The following DPAGT1 variants were observed in gnomAD, a reference collection of about 807,000 sequenced individuals.
The protein encoded by DPAGT1 is UDP-N-acetylglucosamine--dolichyl-phosphate N-acetylglucosaminephosphotransferase.
DPAGT1 carries 25 observed loss-of-function variants against 39.3 expected under a neutral mutation model. That is an observed-to-expected ratio of 0.64 (90% CI 0.46 to 0.89). The LOEUF is 0.89. Ranked by LOEUF, DPAGT1 falls within the 40% of genes least tolerant of loss-of-function variation. The pLI, the probability that DPAGT1 is intolerant of heterozygous loss-of-function variation, is 0.00. For missense variants in DPAGT1, 381 were observed against 500.6 expected (o/e 0.76, Z 2.28); for synonymous variants, 193 against 201.4 (o/e 0.96, Z 0.36).
chr11:119,096,823 AGAAACGCCCAG>A lies in DPAGT1; in HGVS notation c.*164_*174del. 1 of 781,578 alleles carries A rather than the reference AGAAACGCCCAG, an allele frequency of 1.3e-6. No individual in the cohort carries two copies. Among genetic ancestry groups the A allele is most frequent in the Non-Finnish European group, 2.1e-6 (1 of 469,656 alleles). 48.4% of individuals were successfully genotyped at this position (781,578 alleles called of 1,614,324 possible). A position where few individuals can be genotyped will look rare whatever the true frequency, so the allele number is the denominator to read the frequency against. ...TCCAATCAGTAGTCAGCAGAGGGCA[AGAAACGCCCAG>A]GATGCCAATGATCACAGAGAAAGGA... On this transcript the variant is annotated 3_prime_UTR_variant, in exon 9 of 9. Coordinates refer to ENST00000354202, the MANE Select transcript of DPAGT1 (RefSeq NM_001382.4).
At chr11:119,101,388 T>C in intron 1 of DPAGT1, 107 bp downstream of exon 1, 3 of 1,596,072 alleles carry the variant, frequency 1.9e-6, no homozygotes, top group Non-Finnish European at 2.6e-6. Context: ...CTGCCTGGGT[T>C]AGTTCTGAGT....
rs1453557955 is a variant in DPAGT1 at position 119,097,365 on chromosome 11, T to A, written c.1006-68A>T. 2.5e-6 allele frequency: 4 copies of A among 1,613,254 alleles called. No individual in the cohort carries two copies. In the African/African-American group the frequency reaches 5.3e-5, roughly 22 times the overall value. ...GCTTTAGGAATGTGGATCTATTTAA[T>A]GCTTTCAAGTTCCCCTTGGATCTGA... On this transcript the variant is annotated intron_variant, in intron 7 of 8. Coordinates refer to ENST00000354202, the MANE Select transcript of DPAGT1 (RefSeq NM_001382.4). This position sits in a 1 kb window ranked among gnomAD's most constrained non-coding sequence, Gnocchi z 4.6.
downstream of DPAGT1, chr11:119,095,471 G>A (rs1166797215): frequency 4.2e-6 from 6 of 1,428,732 alleles, no homozygotes; most frequent in African/African-American, 2.9e-5. Context: ...CTGCTGTCGC[G>A]CGCGCGCCGC....
downstream of DPAGT1, chr11:119,095,460 A>G (rs1004877876): frequency 2.1e-5 from 31 of 1,449,884 alleles, no homozygotes; most frequent in Non-Finnish European, 2.7e-5. Flanking sequence ...CCGCAGTGTA[A>G]CTGCTGTCGC....
Position 119,096,895 on chromosome 11 carries a change from G to A in DPAGT1, c.*103C>T. 1 of 1,330,258 alleles carries A rather than the reference G, an allele frequency of 7.5e-7. No homozygotes were observed. The allele number at this position is 1,330,258 out of a possible 1,614,324, so 82.4% of individuals were successfully genotyped here. On this transcript the variant is annotated 3_prime_UTR_variant, in exon 9 of 9. Transcript: ENST00000354202. ...AACAAAATCTGGAGGAGTATGAAGA[G>A]TGAGAGAGGCCTGGGCAAGGAGGCA...
rs558831314 is a variant in DPAGT1 at position 119,100,977 on chromosome 11, A to G, written c.282+41T>C. On this transcript the variant is annotated intron_variant, in intron 2 of 8. Transcript: ENST00000354202. Reference sequence around the variant, plus strand: ...ACCCCAGTTCTCTCAGGTACCTCCCAGGTCCCAGCCACAGGCAATCACCCC... The same window carrying G: ...ACCCCAGTTCTCTCAGGTACCTCCCGGGTCCCAGCCACAGGCAATCACCCC... 14 of 1,614,202 alleles carry G rather than the reference A, an allele frequency of 8.7e-6. No homozygotes were observed. In the African/African-American group the frequency reaches 1.7e-4, roughly 20 times the overall value.
chr11:119,095,662 A>G (rs1028407937), downstream of DPAGT1, among the ~76,000 whole-genome samples: 2 of 152,058 alleles, frequency 1.3e-5, no homozygotes. Context: ...GGCGAGGAGG[A>G]GGGGTAGCAC....
rs1197001233 is a variant in DPAGT1, at chr11:119,097,524, CT to C, written c.944del (p.Glu315GlyfsTer2). On this transcript the variant is annotated frameshift_variant, in exon 7 of 9. Transcript: ENST00000354202. LOFTEE classifies it high-confidence loss of function. This position sits in a 1 kb window ranked among gnomAD's most constrained non-coding sequence, Gnocchi z 4.6. ...PRLNIKTGKL[E>X]MSYSKFKTKS... Reference sequence around the variant, plus strand: ...TGGTCTTGAACTTGGAATAGCTCATCTCCAGTTTGCCTGTCTTGATATTGAG... The same window carrying C: ...TGGTCTTGAACTTGGAATAGCTCATCCCAGTTTGCCTGTCTTGATATTGAG... 6.2e-7 allele frequency: 1 copy of C among 1,614,178 alleles called. No homozygotes were observed.
At position 119,101,124 on chromosome 11, in the gene DPAGT1, C is replaced by A; in HGVS notation, c.176G>T (p.Gly59Val). ...TSRQQIPESQ[G>V]VISGAVFLII... ...AAGGAAAACAGCACCGCTGATCACT[C>A]CCTGGGATTCTGGGCTGTGGCCCAG... is the stretch of plus-strand genomic sequence containing the variant. The change falls in exon 2 of 9, where the codon GGA becomes GTA. Residue 59 changes from glycine to valine, a missense_variant. Physicochemically the swap from Gly to Val is moderately radical, Grantham distance 109 (BLOSUM62 -3). Coordinates refer to ENST00000354202, the MANE Select transcript of DPAGT1 (RefSeq NM_001382.4). The A allele has an allele frequency of 6.2e-7, 1 of 1,614,076 alleles. No individual in the cohort carries two copies. Among genetic ancestry groups the A allele is most frequent in the Non-Finnish European group, 8.5e-7 (1 of 1,180,028 alleles).
downstream of DPAGT1, chr11:119,095,380 G>A: frequency 6.4e-7 from 1 of 1,566,404 alleles, no homozygotes; most frequent in Non-Finnish European, 8.6e-7. Flanking sequence ...CGCCAGTCTT[G>A]CCGCGGCCCG....
chr11:119,101,809 C>A lies in DPAGT1; in HGVS notation c.-154G>T, dbSNP rs746259017. ...AAAACCCAGCAACTCTGACTTGAGC[C>A]GCCGTCGGGACACCGGGGAACCTCT... On this transcript the variant is annotated 5_prime_UTR_variant, in exon 1 of 9. Transcript: ENST00000354202. 86 of 1,516,086 alleles carry A rather than the reference C, an allele frequency of 5.7e-5. No individual in the cohort carries two copies. Among genetic ancestry groups the A allele is most frequent in the Non-Finnish European group, 7.5e-5 (85 of 1,132,922 alleles). The allele number at this position is 1,516,086 out of a possible 1,614,324, so 93.9% of individuals were successfully genotyped here. A position where few individuals can be genotyped will look rare whatever the true frequency, so the allele number is the denominator to read the frequency against.
chr11:119,100,974 C>G (rs995837757), intron 2 of DPAGT1, 44 bp downstream of exon 2: 10 of 1,614,138 alleles, frequency 6.2e-6, no homozygotes, highest in Admixed American at 3.3e-5. Context: ...TCAGGTACCT[C>G]CCAGGTCCCA....
chr11:119,095,902 C>G (rs1946384497), downstream of DPAGT1, among the ~76,000 whole-genome samples: 1 of 152,126 alleles, frequency 6.6e-6, no homozygotes. Flanking sequence ...CTTCTCCTAC[C>G]TGACAAAGGG....
chr11:119,101,277 A>C (rs1198770229), intron 1 of DPAGT1, 139 bp from the exon 2 acceptor site: 13 of 1,379,860 alleles, frequency 9.4e-6, no homozygotes, highest in African/African-American at 4.3e-5. Flanking sequence ...GGGCGGAGGG[A>C]GGAAAGCACC....
chr11:119,101,377 G>T, intron 1 of DPAGT1, 118 bp downstream of exon 1: 1 of 1,580,714 alleles, frequency 6.3e-7, no homozygotes, highest in Non-Finnish European at 8.6e-7. Context: ...CGAGTTCCAG[G>T]CTGCCTGGGT....
intron 2 of DPAGT1, 22 bp downstream of exon 2, chr11:119,100,996 T>C: frequency 2.5e-6 from 4 of 1,614,146 alleles, no homozygotes; most frequent in Non-Finnish European, 3.4e-6. Flanking sequence ...CCACAGGCAA[T>C]CACCCCCACG....
chr11:119,098,162 C>A, intron 5 of DPAGT1, 119 bp from the exon 6 acceptor site: 1 of 1,376,656 alleles, frequency 7.3e-7, no homozygotes, highest in Non-Finnish European at 1.0e-6. Context: ...GAGGAGACTC[C>A]AGTTGTGCAG....
In DPAGT1 at chr11:119,100,625, C is replaced by T; in HGVS notation, c.496+5G>A. On this transcript the variant is annotated splice_donor_5th_base_variant and intron_variant, in intron 3 of 8. Transcript: ENST00000354202. The stretch of plus-strand genomic sequence containing the variant: ...CATAGGGGCAGCAGTGGTAGGACTA[C>T]CTACCCAAGTCCAGATGCAGGCCAA... 1 of 1,614,032 alleles carries T rather than the reference C, an allele frequency of 6.2e-7. No individual in the cohort carries two copies. Among genetic ancestry groups the T allele is most frequent in the Non-Finnish European group, 8.5e-7 (1 of 1,179,994 alleles).
In DPAGT1 at chr11:119,097,481, C is replaced by T. The variant is rs1299554897; in HGVS notation, c.988G>A (p.Gly330Ser). 1.2e-6 allele frequency: 2 copies of T among 1,614,168 alleles called. No individual in the cohort carries two copies. Among genetic ancestry groups the T allele is most frequent in the Admixed American group, 1.7e-5 (1 of 60,016 alleles). Reference protein sequence around the residue: ...KFKTKSLSFLGTFILKVAESL... With the variant: ...KFKTKSLSFLSTFILKVAESL... ...CCTGTTACCTTTAAAATAAAGGTGCCCAAGAAAGAGAGGCTCTTGGTCTTG... is the reference window on the plus strand; with the variant it reads ...CCTGTTACCTTTAAAATAAAGGTGCTCAAGAAAGAGAGGCTCTTGGTCTTG... Residue 330 changes from glycine to serine, a missense_variant, in exon 7 of 9, where the codon GGC (glycine) becomes AGC (serine). Gly to Ser is a moderately conservative substitution (Grantham distance 56). Transcript: ENST00000354202. The surrounding 1 kb of genome is among the most constrained non-coding windows in gnomAD (Gnocchi z 4.6).
Sources: allele counts gnomAD v4.1 joint callset (sites outside exome capture counted in the v4.1 genomes callset), GRCh38; gene constraint gnomAD v4.1.1; non-coding constraint Gnocchi (gnomAD v3.1); transcripts MANE v1.5; gene names NCBI Gene and HGNC (gene_info 2026-07-23, HGNC 2026-07-21).